PPP2R5C: variants seen among roughly 807,000 people sequenced by gnomAD.
The protein encoded by PPP2R5C is protein phosphatase 2 regulatory subunit B'gamma.
Under a neutral mutation model 68.9 loss-of-function variants are expected in PPP2R5C, and 7 were observed. That is an observed-to-expected ratio of 0.10 (90% CI 0.06 to 0.19). PPP2R5C has a LOEUF of 0.19. PPP2R5C is among the 10% of genes least tolerant of loss of function. The probability of loss-of-function intolerance (pLI) is 1.00; values close to 1 mark genes in which losing one functional copy is unlikely to be tolerated. For missense variants in PPP2R5C, 348 were observed against 641.3 expected (o/e 0.54, Z 4.94); for synonymous variants, 210 against 222.2 (o/e 0.95, Z 0.49).
intron 1 of PPP2R5C, among the ~76,000 whole-genome samples, chr14:101,842,967 T>C (rs544355180): frequency 6.6e-6 from 1 of 152,148 alleles, no homozygotes; most frequent in East Asian, 1.9e-4. Flanking sequence ...GGCTCACACC[T>C]GTAATCCCAG....
rs1309658973 is a variant in PPP2R5C, at chr14:101,781,551, C to T, written c.94-4467C>T. On this transcript the variant is annotated intron_variant, in intron 2 of 14. Transcript: ENST00000328724. This position sits in a 1 kb window ranked among gnomAD's most constrained non-coding sequence, Gnocchi z 6.4. Reference sequence around the variant, plus strand: ...GCCTTCCTGGGCGCCTGACGCACCCCTCTGCCCCAACCACGTTTTCTCAAG... The same window carrying T: ...GCCTTCCTGGGCGCCTGACGCACCCTTCTGCCCCAACCACGTTTTCTCAAG... 1.3e-5 allele frequency among the ~76,000 whole-genome samples: 2 copies of T among 152,080 alleles called. No individual in the cohort carries two copies. The highest frequency in any genetic ancestry group is 2.9e-5 in the Non-Finnish European group (2 of 67,968).
At chr14:101,839,142 G>A (rs950700011) in intron 1 of PPP2R5C, 2 of 151,852 alleles carry the variant, frequency 1.3e-5, no homozygotes, top group African/African-American at 4.8e-5. Flanking sequence ...TCTGAGGTCA[G>A]AAGTTCGAGA....
intron 3 of PPP2R5C, among the ~76,000 whole-genome samples, chr14:101,793,215 G>T (rs544014139): frequency 2.0e-5 from 3 of 152,100 alleles, no homozygotes; most frequent in Non-Finnish European, 4.4e-5. Context: ...GTTCCTTTCA[G>T]TAGTAAATAT....
chr14:101,817,177 C>G (rs1182651103), intron 1 of PPP2R5C, among the ~76,000 whole-genome samples: 1 of 151,704 alleles, frequency 6.6e-6, no homozygotes, highest in African/African-American at 2.4e-5. Flanking sequence ...AGGATTGTCT[C>G]GATCTCCTGA....
At chr14:101,763,490 C>T (rs2036671565) in intron 2 of PPP2R5C, among the ~76,000 whole-genome samples, 1 of 152,036 alleles carries the variant, frequency 6.6e-6, no homozygotes, top group African/African-American at 2.4e-5. Flanking sequence ...TCAAGCAATT[C>T]TCCTGCCTCA....
chr14:101,791,457 AATT>A (rs1487809733), intron 3 of PPP2R5C, among the ~76,000 whole-genome samples: 2 of 152,316 alleles, frequency 1.3e-5, no homozygotes, highest in Admixed American at 6.5e-5. Flanking sequence ...AGTAAAAATA[AATT>A]ATTACAGAAG....
At chr14:101,764,903 G>C (rs1301834368) in intron 2 of PPP2R5C, among the ~76,000 whole-genome samples, 1 of 146,518 alleles carries the variant, frequency 6.8e-6, no homozygotes, top group Non-Finnish European at 1.5e-5. Flanking sequence ...TCTTACTTTA[G>C]CTATATTCCT....
At chr14:101,927,560 T>C (rs1172885777) in exon 14 of PPP2R5C, 1 of 152,670 alleles carries the variant, frequency 6.6e-6, no homozygotes, top group Non-Finnish European at 1.5e-5. Flanking sequence ...CCAAAATGTA[T>C]CTGTACATCA....
At chr14:101,818,868 G>A (rs1446123657) in intron 1 of PPP2R5C, 25 of 700,642 alleles carry the variant, frequency 3.6e-5, no homozygotes, top group Non-Finnish European at 5.8e-5. Context: ...GTTTGTCATC[G>A]ATGTATGTGA....
At chr14:101,805,127 C>T (rs2039024140), upstream of PPP2R5C, among the ~76,000 whole-genome samples, 1 of 152,004 alleles carries the variant, frequency 6.6e-6, no homozygotes, top group African/African-American at 2.4e-5. Flanking sequence ...GGAGTCTCGC[C>T]CTGTCACCCA....
chr14:101,910,485 A>G (rs897909821), intron 11 of PPP2R5C, among the ~76,000 whole-genome samples: 6 of 152,180 alleles, frequency 3.9e-5, no homozygotes, highest in Non-Finnish European at 7.3e-5. Flanking sequence ...TACCTTATAC[A>G]CCAGGCCCTG....
chr14:101,783,927 G>A (rs548322701), intron 2 of PPP2R5C, among the ~76,000 whole-genome samples: 84 of 152,348 alleles, frequency 5.5e-4, no homozygotes, highest in Middle Eastern at 3.4e-3. Flanking sequence ...CAGAGAAGGC[G>A]GAGCAGAAAC....
In PPP2R5C at chr14:101,882,036, A is replaced by T; in HGVS notation, c.295-125A>T. ...GGACCCACACAGCTTCTGCGTTTTG[A>T]GGATACGGAGGAGCTAAGTTACCAT... On this transcript the variant is annotated intron_variant, in intron 2 of 13. Coordinates refer to ENST00000334743, the Ensembl canonical transcript of PPP2R5C. This position sits in a 1 kb window ranked among gnomAD's most constrained non-coding sequence, Gnocchi z 4.9. 2.9e-6 allele frequency: 2 copies of T among 694,842 alleles called. No homozygotes were observed. Among genetic ancestry groups the T allele is most frequent in the Non-Finnish European group, 4.5e-6 (2 of 441,242 alleles). 43.0% of individuals were successfully genotyped at this position (694,842 alleles called of 1,614,324 possible).
In PPP2R5C at chr14:101,916,955, C is replaced by T. The variant is rs145166104; in HGVS notation, c.1327-876C>T. Among the ~76,000 whole-genome samples, 1 of 152,260 alleles carries T rather than the reference C, an allele frequency of 6.6e-6. No homozygotes were observed. Among genetic ancestry groups the T allele is most frequent in the African/African-American group, 2.4e-5 (1 of 41,544 alleles). Reference sequence around the variant, plus strand: ...CCAGGTGAGGGTGGCAGTACACACACACGACCACGCAGGACAAACAGGCGC... The same window carrying T: ...CCAGGTGAGGGTGGCAGTACACACATACGACCACGCAGGACAAACAGGCGC... On this transcript the variant is annotated intron_variant, in intron 12 of 13. Transcript: ENST00000334743. The surrounding 1 kb of genome is among the most constrained non-coding windows in gnomAD (Gnocchi z 5.5).
At chr14:101,779,644 T>C (rs1317608552) in intron 2 of PPP2R5C, among the ~76,000 whole-genome samples, 2 of 152,002 alleles carry the variant, frequency 1.3e-5, no homozygotes, top group Non-Finnish European at 2.9e-5. Flanking sequence ...GAAAAATAAG[T>C]GTGGGGGAGA....
chr14:101,882,453 C>T lies in PPP2R5C; in HGVS notation c.405+182C>T, dbSNP rs2044222872. ...GAATAAAGTTAATGTGTGTGTTTGA[C>T]CACTTTACAACAGCCAGTGAAGATG... On this transcript the variant is annotated intron_variant, in intron 3 of 13. Coordinates refer to ENST00000334743, the Ensembl canonical transcript of PPP2R5C. The surrounding 1 kb of genome is among the most constrained non-coding windows in gnomAD (Gnocchi z 4.9). 1 of 486,988 alleles carries T rather than the reference C, an allele frequency of 2.1e-6. No individual in the cohort carries two copies. Among genetic ancestry groups the T allele is most frequent in the African/African-American group, 2.0e-5 (1 of 50,670 alleles). 30.2% of individuals were successfully genotyped at this position (486,988 alleles called of 1,614,324 possible).
chr14:101,873,715 T>C (rs1292663794), intron 2 of PPP2R5C, among the ~76,000 whole-genome samples: 2 of 152,220 alleles, frequency 1.3e-5, no homozygotes, highest in Non-Finnish European at 2.9e-5. Flanking sequence ...AGTTCTTCTC[T>C]GTGTGCAGCT....
intron 8 of PPP2R5C, among the ~76,000 whole-genome samples, chr14:101,898,608 C>T (rs866929524): frequency 1.2e-4 from 19 of 152,256 alleles, no homozygotes; most frequent in South Asian, 8.3e-4. Flanking sequence ...GTCCTTCCGG[C>T]GTAAATGTTA....
chr14:101,907,043 T>C (rs938520077), intron 10 of PPP2R5C, among the ~76,000 whole-genome samples: 2 of 152,214 alleles, frequency 1.3e-5, no homozygotes, highest in Admixed American at 6.5e-5. Flanking sequence ...CCTACTCCGC[T>C]CCTTCATCTT....
Sources: allele counts gnomAD v4.1 joint callset (sites outside exome capture counted in the v4.1 genomes callset), GRCh38; gene constraint gnomAD v4.1.1; non-coding constraint Gnocchi (gnomAD v3.1); transcripts MANE v1.5; gene names NCBI Gene and HGNC (gene_info 2026-07-23, HGNC 2026-07-21).